GRAMD1B: variants seen among roughly 807,000 people sequenced by gnomAD.
GRAMD1B encodes protein Aster-B.
In GRAMD1B, 37 loss-of-function variants were observed where a neutral mutation model predicts 99.7. The observed-to-expected ratio is 0.37, with a 90% CI of 0.29 to 0.49. The LOEUF (loss-of-function observed/expected upper bound fraction) is 0.49, where lower values mean the gene tolerates loss of function less well. Ranked by LOEUF, GRAMD1B falls within the 20% of genes least tolerant of loss-of-function variation. The probability of loss-of-function intolerance (pLI) is 0.98; values close to 1 mark genes in which losing one functional copy is unlikely to be tolerated. For missense variants in GRAMD1B, 888 were observed against 1,009.2 expected, an observed-to-expected ratio of 0.88 and a Z score of 1.63; for synonymous variants, 427 against 387.6, an observed-to-expected ratio of 1.10 and a Z score of -1.19.
At chr11:123,611,379 A>T (rs1953542128) in intron 14 of GRAMD1B, among the ~76,000 whole-genome samples, 1 of 152,120 alleles carries the variant, frequency 6.6e-6, no homozygotes, top group African/African-American at 2.4e-5. Context: ...GGCTGCAATG[A>T]GCTATGATTG....
At chr11:123,390,570 A>T (rs1947241583) in intron 1 of GRAMD1B, among the ~76,000 whole-genome samples, 1 of 152,350 alleles carries the variant, frequency 6.6e-6, no homozygotes, top group East Asian at 1.9e-4. Context: ...CATGGGTCAA[A>T]TCCGTGTGTA....
chr11:123,382,702 G>A (rs758826910), intron 1 of GRAMD1B, among the ~76,000 whole-genome samples: 2 of 152,104 alleles, frequency 1.3e-5, no homozygotes, highest in African/African-American at 2.4e-5. Context: ...TGGCACACTC[G>A]GATAGGGTAA....
intron 17 of GRAMD1B, among the ~76,000 whole-genome samples, chr11:123,615,810 C>T (rs1049582738): frequency 6.6e-6 from 1 of 152,184 alleles, no homozygotes; most frequent in Non-Finnish European, 1.5e-5. Context: ...TTATCCATAA[C>T]ATTACAGCCT....
chr11:123,617,133 T>C (rs1954521065), intron 17 of GRAMD1B, among the ~76,000 whole-genome samples: 1 of 152,116 alleles, frequency 6.6e-6, no homozygotes, highest in African/African-American at 2.4e-5. Context: ...CGCTGGTCTT[T>C]TATCCATCTC....
At chr11:123,512,364 A>G (rs12574747) in intron 2 of GRAMD1B, among the ~76,000 whole-genome samples, 28,680 of 152,052 alleles carry the variant, frequency 0.19, 3,207 homozygotes, top group East Asian at 0.47. Flanking sequence ...TGGAAAAGGT[A>G]TGATTTGGGG....
At chr11:123,540,271 A>T (rs1479933275) in intron 2 of GRAMD1B, among the ~76,000 whole-genome samples, 1 of 151,226 alleles carries the variant, frequency 6.6e-6, no homozygotes. Context: ...GTATAGACGG[A>T]ATTTCACTGT....
intron 1 of GRAMD1B, among the ~76,000 whole-genome samples, chr11:123,437,677 G>C (rs925051390): frequency 1.3e-5 from 2 of 152,220 alleles, no homozygotes; most frequent in African/African-American, 2.4e-5. Flanking sequence ...CACTGGTAGT[G>C]CCGCTCACTA....
intron 1 of GRAMD1B, among the ~76,000 whole-genome samples, chr11:123,377,516 G>A (rs755102403): frequency 4.1e-4 from 63 of 152,164 alleles, no homozygotes; most frequent in Non-Finnish European, 7.9e-4. Flanking sequence ...GGTCTGTGAT[G>A]CACAGGAAGC....
At chr11:123,584,144 G>T (rs2136340906) in intron 3 of GRAMD1B, among the ~76,000 whole-genome samples, 168 bp from the exon 4 acceptor site, 1 of 151,822 alleles carries the variant, frequency 6.6e-6, no homozygotes, top group Middle Eastern at 3.4e-3. Flanking sequence ...TTCTGGAACT[G>T]CCTTGAGAAA....
intron 2 of GRAMD1B, among the ~76,000 whole-genome samples, chr11:123,551,521 G>A (rs1232958887): frequency 3.3e-5 from 5 of 152,188 alleles, no homozygotes; most frequent in South Asian, 4.1e-4. Flanking sequence ...AGCCACATGC[G>A]GAAGGTCAGA....
At chr11:123,572,397 TTATG>T (rs1447974142) in intron 2 of GRAMD1B, among the ~76,000 whole-genome samples, 5 of 152,198 alleles carry the variant, frequency 3.3e-5, no homozygotes, top group Admixed American at 6.5e-5. Flanking sequence ...GTTTGAAACT[TTATG>T]TTATGTTATG....
rs57006285 is a variant in GRAMD1B, at chr11:123,540,075, C to CT, written c.453-37280dup. Among the ~76,000 whole-genome samples, 1,257 of 144,458 alleles carry CT rather than the reference C, an allele frequency of 8.7e-3. 22 individuals carry two copies. Among genetic ancestry groups the CT allele is most frequent in the African/African-American group, 0.028 (1,113 of 39,720 alleles). The allele number at this position is 144,458 out of a possible 152,430, so 94.8% of individuals were successfully genotyped here. A position where few individuals can be genotyped will look rare whatever the true frequency, so the allele number is the denominator to read the frequency against. The stretch of plus-strand genomic sequence containing the variant: ...GAGTTATCTCAATTTTTCTATCTTC[C>CT]TTTTTTTTTTTTGAGATAAGGTTTC... On this transcript the variant is annotated intron_variant, in intron 2 of 19. Transcript: ENST00000635736.
intron 2 of GRAMD1B, among the ~76,000 whole-genome samples, chr11:123,536,614 A>T (rs1248281893): frequency 6.6e-6 from 1 of 152,078 alleles, no homozygotes; most frequent in Non-Finnish European, 1.5e-5. Flanking sequence ...TACAGAAAAC[A>T]TGGCTACAGT....
intron 2 of GRAMD1B, chr11:123,559,576 G>A (rs949677393): frequency 3.4e-6 from 2 of 593,314 alleles, no homozygotes; most frequent in Non-Finnish European, 4.2e-6. Context: ...ACTTTCCTCT[G>A]GGGGCTGTCT....
chr11:123,434,200 A>G, intron 1 of GRAMD1B, among the ~76,000 whole-genome samples: 1 of 135,308 alleles, frequency 7.4e-6, no homozygotes, highest in Admixed American at 8.8e-5. Context: ...ACTGCACTCC[A>G]GCCTGGGCAA....
rs1275949192 is a variant in GRAMD1B at position 123,430,949 on chromosome 11, G to C, written c.157G>C (p.Glu53Gln). ...GATGCGCCGCATGAAGAACGTACAG[G>C]AGCAGAGCCTGGAGGCCGGGCTGGC... ...FKMRRMKNVQ[E>Q]QSLEAGLARD... The change falls in exon 1 of 20, where the codon GAG (glutamate) becomes CAG (glutamine). Residue 53 changes from glutamate to glutamine, a missense_variant. Physicochemically the swap from Glu to Gln is conservative, Grantham distance 29 (BLOSUM62 2). Transcript: ENST00000635736. The C allele has an allele frequency of 1.4e-6, 1 of 702,874 alleles. No individual in the cohort carries two copies. Among genetic ancestry groups the C allele is most frequent in the Admixed American group, 2.0e-5 (1 of 50,020 alleles). The allele number at this position is 702,874 out of a possible 1,614,324, so 43.5% of individuals were successfully genotyped here. A position where few individuals can be genotyped will look rare whatever the true frequency, so the allele number is the denominator to read the frequency against.
At chr11:123,513,656 T>TCTTTCTTTCTTTTTCTTAC (rs1941386868) in intron 2 of GRAMD1B, among the ~76,000 whole-genome samples, 1 of 146,772 alleles carries the variant, frequency 6.8e-6, no homozygotes, top group Non-Finnish European at 1.5e-5. Flanking sequence ...TTCTTACCTT[T>TCTTTCTTTCTTTTTCTTAC]CTTTCTTTCT....
At chr11:123,476,687 C>A (rs1250049773) in intron 1 of GRAMD1B, among the ~76,000 whole-genome samples, 1 of 152,216 alleles carries the variant, frequency 6.6e-6, no homozygotes, top group Non-Finnish European at 1.5e-5. Flanking sequence ...GAGCTCTTTG[C>A]TGGAGAGACC....
intron 1 of GRAMD1B, among the ~76,000 whole-genome samples, chr11:123,434,326 G>A (rs1949061888): frequency 1.3e-5 from 2 of 151,634 alleles, no homozygotes; most frequent in Non-Finnish European, 2.9e-5. Flanking sequence ...AAATTCGTGT[G>A]ACTCACATCT....
Sources: allele counts gnomAD v4.1 joint callset (sites outside exome capture counted in the v4.1 genomes callset), GRCh38; gene constraint gnomAD v4.1.1; transcripts MANE v1.5; gene names NCBI Gene and HGNC (gene_info 2026-07-23, HGNC 2026-07-21).